The following DPYSL2 variants were observed in gnomAD, a reference collection of about 807,000 sequenced individuals.
DPYSL2 encodes the protein dihydropyrimidinase-related protein 2.
In DPYSL2, 13 loss-of-function variants were observed where a neutral mutation model predicts 69.9. That is an observed-to-expected ratio of 0.19 (90% CI 0.12 to 0.30). DPYSL2 has a LOEUF of 0.30. Ranked by LOEUF, DPYSL2 falls within the 10% of genes least tolerant of loss-of-function variation. The pLI, the probability that DPYSL2 is intolerant of heterozygous loss-of-function variation, is 1.00. For synonymous variants in DPYSL2, 326 were observed against 359.1 expected (o/e 0.91, Z 1.04); for missense variants, 587 against 918.9 (o/e 0.64, Z 4.67).
chr8:26,615,250 C>T (rs780447322), intron 3 of DPYSL2, among the ~76,000 whole-genome samples: 6 of 152,190 alleles, frequency 3.9e-5, no homozygotes, highest in Non-Finnish European at 7.3e-5. Context: ...TGTTTAGAGT[C>T]GTACCAGACA....
chr8:26,591,519 G>A lies in DPYSL2; in HGVS notation c.628+7536G>A, dbSNP rs1316084317. Among the ~76,000 whole-genome samples the A allele has an allele frequency of 6.6e-6, 1 of 152,248 alleles. No individual in the cohort carries two copies. The highest frequency in any genetic ancestry group is 1.9e-4 in the East Asian group (1 of 5,198). ...CTAAGGCCCCTGCATGCCTGGAGCT[G>A]GCTGTGGGGGCAGCCAGAGAAGCTG... On this transcript the variant is annotated intron_variant, in intron 3 of 13. Transcript: ENST00000521913. This position sits in a 1 kb window ranked among gnomAD's most constrained non-coding sequence, Gnocchi z 5.8.
At position 26,580,992 on chromosome 8, in the gene DPYSL2, A is replaced by T. The variant is rs1341602392; in HGVS notation, c.355-977A>T. On this transcript the variant is annotated intron_variant, in intron 1 of 13. Transcript: ENST00000521913. The surrounding 1 kb of genome is among the most constrained non-coding windows in gnomAD (Gnocchi z 4.1). ...TAGCATAAATATCACCGGTTAAAAT[A>T]TAAGTGCATCAGCAATCTGTAGTGC... Among the ~76,000 whole-genome samples, 1 of 152,228 alleles carries T rather than the reference A, an allele frequency of 6.6e-6. No homozygotes were observed. Among genetic ancestry groups the T allele is most frequent in the Non-Finnish European group, 1.5e-5 (1 of 68,042 alleles).
At chr8:26,596,666 A>G (rs1379425097) in intron 3 of DPYSL2, among the ~76,000 whole-genome samples, 1 of 152,228 alleles carries the variant, frequency 6.6e-6, no homozygotes, top group Non-Finnish European at 1.5e-5. Context: ...AACCCCGAAG[A>G]TAGATAGGCT....
rs1803063268 is a variant in DPYSL2, at chr8:26,642,077, G to C, written c.1127-1362G>C. Among the ~76,000 whole-genome samples the C allele has an allele frequency of 6.6e-6, 1 of 152,222 alleles. No individual in the cohort carries two copies. Among genetic ancestry groups the C allele is most frequent in the South Asian group, 2.1e-4 (1 of 4,830 alleles). ...GGGGTGGGAGTTAGCCCTGTGCTGG[G>C]GGGAGCTAGTGAGAGATGAATTCAG... On this transcript the variant is annotated intron_variant, in intron 8 of 13. Coordinates refer to ENST00000521913, the MANE Select transcript of DPYSL2 (RefSeq NM_001197293.3). This position sits in a 1 kb window ranked among gnomAD's most constrained non-coding sequence, Gnocchi z 5.3.
chr8:26,600,671 A>AGAGAT (rs1563404141), intron 3 of DPYSL2, among the ~76,000 whole-genome samples: 1 of 152,112 alleles, frequency 6.6e-6, no homozygotes, highest in Non-Finnish European at 1.5e-5. Context: ...AGATGTTTGC[A>AGAGAT]GAGATGAGAA....
At position 26,587,235 on chromosome 8, in the gene DPYSL2, T is replaced by C. The variant is rs1359717971; in HGVS notation, c.628+3252T>C. On this transcript the variant is annotated intron_variant, in intron 3 of 13. Transcript: ENST00000521913. This position sits in a 1 kb window ranked among gnomAD's most constrained non-coding sequence, Gnocchi z 4.2. ...AGACCTGCTACTTTCTTTGACTTAATATATTGAGTCCAGAAAGAAATGCCT... is the reference window on the plus strand; with the variant it reads ...AGACCTGCTACTTTCTTTGACTTAACATATTGAGTCCAGAAAGAAATGCCT... Among the ~76,000 whole-genome samples, 1 of 152,222 alleles carries C rather than the reference T, an allele frequency of 6.6e-6. No individual in the cohort carries two copies. The highest frequency in any genetic ancestry group is 2.4e-5 in the African/African-American group (1 of 41,452).
intron 3 of DPYSL2, among the ~76,000 whole-genome samples, chr8:26,601,456 C>T (rs757012178): frequency 6.6e-6 from 1 of 152,104 alleles, no homozygotes; most frequent in Non-Finnish European, 1.5e-5. Context: ...CAGCTCACTG[C>T]AAGCTCCGCC....
At position 26,582,291 on chromosome 8, in the gene DPYSL2, C is replaced by T. The variant is rs1370388899; in HGVS notation, c.443+234C>T. Among the ~76,000 whole-genome samples, 1 of 152,198 alleles carries T rather than the reference C, an allele frequency of 6.6e-6. No homozygotes were observed. The highest frequency in any genetic ancestry group is 1.9e-4 in the East Asian group (1 of 5,200). ...GTTGCATTAGGTATTATGTAATTTA[C>T]TATTTTTAACTGAGGTGATATGATA... On this transcript the variant is annotated intron_variant, in intron 2 of 13. Coordinates refer to ENST00000521913, the MANE Select transcript of DPYSL2 (RefSeq NM_001197293.3). The surrounding 1 kb of genome is among the most constrained non-coding windows in gnomAD (Gnocchi z 4.1).
chr8:26,573,305 C>T (rs1055435285), intron 1 of DPYSL2, among the ~76,000 whole-genome samples: 1 of 151,326 alleles, frequency 6.6e-6, no homozygotes, highest in African/African-American at 2.4e-5. Flanking sequence ...CAGGCAGATC[C>T]TGAGGTCAGG....
intron 1 of DPYSL2, among the ~76,000 whole-genome samples, chr8:26,526,644 T>C (rs917135485): frequency 1.3e-5 from 2 of 152,234 alleles, no homozygotes; most frequent in African/African-American, 2.4e-5. Context: ...CTTTTGTCAT[T>C]GTTTGAAAGC....
In DPYSL2 at chr8:26,599,618, CTT is replaced by C. The variant is rs367573222; in HGVS notation, c.628+15637_628+15638del. On this transcript the variant is annotated intron_variant, in intron 3 of 13. Transcript: ENST00000521913. ...TTCCTTTCTTTCTCTCGCTCTCTCT[CTT>C]TCTCATTTATGTTAGCTTACATGAG... Among the ~76,000 whole-genome samples the C allele has an allele frequency of 1.7e-3, 251 of 147,510 alleles. 1 individual carries two copies. Among genetic ancestry groups the C allele is most frequent in the African/African-American group, 5.6e-3 (224 of 40,266 alleles).
At chr8:26,515,329 A>G (rs1808262123) in intron 1 of DPYSL2, among the ~76,000 whole-genome samples, 1 of 152,198 alleles carries the variant, frequency 6.6e-6, no homozygotes, top group Admixed American at 6.5e-5. Context: ...TAAATAGCCT[A>G]TGTGGGGAAC....
rs527649598 is a variant in DPYSL2 at position 26,598,216 on chromosome 8, C to T, written c.628+14233C>T. Among the ~76,000 whole-genome samples, 35 of 152,272 alleles carry T rather than the reference C, an allele frequency of 2.3e-4. No homozygotes were observed. Among genetic ancestry groups the T allele is most frequent in the African/African-American group, 7.5e-4 (31 of 41,548 alleles). ...ATTGACCCGTGGCTACTGTGGTATT[C>T]GAAGGGCTAAATTTGTTTTGTGACT... On this transcript the variant is annotated intron_variant, in intron 3 of 13. Coordinates refer to ENST00000521913, the MANE Select transcript of DPYSL2 (RefSeq NM_001197293.3). The surrounding 1 kb of genome is among the most constrained non-coding windows in gnomAD (Gnocchi z 4.2).
rs186002599 is a variant in DPYSL2 at position 26,520,889 on chromosome 8, G to A, written c.354+6210G>A. Among the ~76,000 whole-genome samples the A allele has an allele frequency of 3.3e-3, 499 of 152,156 alleles. 3 individuals are homozygous for A. The highest frequency in any genetic ancestry group is 2.5e-3 in the Non-Finnish European group (172 of 68,008). ...CTTCTCCTTGTGTCCTTACATAGTGGAAGGGGCCAAGGGAGGTCTCTGGGG... is the reference window on the plus strand; with the variant it reads ...CTTCTCCTTGTGTCCTTACATAGTGAAAGGGGCCAAGGGAGGTCTCTGGGG... On this transcript the variant is annotated intron_variant, in intron 1 of 13. Coordinates refer to ENST00000521913, the MANE Select transcript of DPYSL2 (RefSeq NM_001197293.3).
chr8:26,547,321 C>T lies in DPYSL2; in HGVS notation c.354+32642C>T, dbSNP rs373993095. The stretch of plus-strand genomic sequence containing the variant: ...GAGGTTGCAGTGAGCCAAGATTGTG[C>T]CACTGCACTCCAGCCTGGTTGACAG... On this transcript the variant is annotated intron_variant, in intron 1 of 13. Transcript: ENST00000521913. Among the ~76,000 whole-genome samples the T allele has an allele frequency of 1.6e-4, 25 of 151,668 alleles. No homozygotes were observed. In the East Asian group the frequency reaches 4.7e-3, roughly 28 times the overall value.
chr8:26,601,446 C>G (rs1161364166), intron 3 of DPYSL2, among the ~76,000 whole-genome samples: 2 of 151,810 alleles, frequency 1.3e-5, no homozygotes, highest in African/African-American at 4.8e-5. Flanking sequence ...GGCGCCATCT[C>G]AGCTCACTGC....
chr8:26,553,291 G>C (rs1458166118), intron 1 of DPYSL2, among the ~76,000 whole-genome samples: 4 of 152,044 alleles, frequency 2.6e-5, no homozygotes, highest in Non-Finnish European at 5.9e-5. Context: ...CTTATGTCGT[G>C]GGGGGTTTGT....
chr8:26,651,228 G>T (rs923800835), intron 11 of DPYSL2, among the ~76,000 whole-genome samples: 6 of 152,280 alleles, frequency 3.9e-5, no homozygotes, highest in African/African-American at 1.4e-4. Context: ...CATTGTATGC[G>T]GGGCATTGTG....
rs1267178566 is a variant in DPYSL2, at chr8:26,626,323, T to C, written c.794-294T>C. ...ATGGATGTGCAAACACTGGCAACTT[T>C]TAATTTTGATATACTTGTAAACTTA... is the stretch of plus-strand genomic sequence containing the variant. On this transcript the variant is annotated intron_variant, in intron 4 of 13. Coordinates refer to ENST00000521913, the MANE Select transcript of DPYSL2 (RefSeq NM_001197293.3). This position sits in a 1 kb window ranked among gnomAD's most constrained non-coding sequence, Gnocchi z 4.3. Among the ~76,000 whole-genome samples, 1 of 152,194 alleles carries C rather than the reference T, an allele frequency of 6.6e-6. No homozygotes were observed. The highest frequency in any genetic ancestry group is 1.5e-5 in the Non-Finnish European group (1 of 68,038).
Sources: gnomAD v4.1 joint callset for allele counts (sites outside exome capture counted in the v4.1 genomes callset) on GRCh38, gnomAD v4.1.1 for gene constraint, Gnocchi (gnomAD v3.1) non-coding constraint, MANE v1.5 for transcripts, NCBI Gene and HGNC (gene_info 2026-07-23, HGNC 2026-07-21) for gene names.